PIP5K1C: variants seen among roughly 807,000 people sequenced by gnomAD.
PIP5K1C encodes phosphatidylinositol-4-phosphate 5-kinase type 1 gamma, also known as phosphatidylinositol 4-phosphate 5-kinase type-1 gamma.
Under a neutral mutation model 80.1 loss-of-function variants are expected in PIP5K1C, and 45 were observed. The observed-to-expected ratio is 0.56, with a 90% CI of 0.44 to 0.72. PIP5K1C has a LOEUF of 0.72. Among genes scored for constraint, PIP5K1C ranks in the 30% least tolerant of loss-of-function variants. The pLI, the probability that PIP5K1C is intolerant of heterozygous loss-of-function variation, is 0.00. For missense variants in PIP5K1C, 753 were observed against 954.6 expected (o/e 0.79, Z 2.78); for synonymous variants, 498 against 420.1 (o/e 1.19, Z -2.27).
Position 3,683,610 on chromosome 19 carries a change from G to A in PIP5K1C, c.95-16257C>T, listed in dbSNP as rs193135962. 7.2e-4 allele frequency among the ~76,000 whole-genome samples: 110 copies of A among 152,328 alleles called. 1 individual carries two copies. The highest frequency in any genetic ancestry group is 6.8e-3 in the Middle Eastern group (2 of 294). ...AACTGAGGCTCAGAGAGGTCAGATCGCTTGCCTGATCATGCAGCAAAAATG... is the reference window on the plus strand; with the variant it reads ...AACTGAGGCTCAGAGAGGTCAGATCACTTGCCTGATCATGCAGCAAAAATG... On this transcript the variant is annotated intron_variant, in intron 1 of 17. Transcript: ENST00000335312.
Position 3,648,770 on chromosome 19 carries a change from G to A in PIP5K1C, c.1128-62C>T. Reference sequence around the variant, plus strand: ...CAGAGCTGGGACTCGGGGCAGGCGGGGCTGGGGACTCCAGGGCTAGGGAGT... The same window carrying A: ...CAGAGCTGGGACTCGGGGCAGGCGGAGCTGGGGACTCCAGGGCTAGGGAGT... On this transcript the variant is annotated intron_variant, in intron 8 of 17. Coordinates refer to ENST00000335312, the MANE Select transcript of PIP5K1C (RefSeq NM_012398.3). This position sits in a 1 kb window ranked among gnomAD's most constrained non-coding sequence, Gnocchi z 4.3. 1 of 1,429,920 alleles carries A rather than the reference G, an allele frequency of 7.0e-7. No individual in the cohort carries two copies. Among genetic ancestry groups the A allele is most frequent in the Non-Finnish European group, 9.8e-7 (1 of 1,015,400 alleles). The allele number at this position is 1,429,920 out of a possible 1,614,324, so 88.6% of individuals were successfully genotyped here. A position where few individuals can be genotyped will look rare whatever the true frequency, so the allele number is the denominator to read the frequency against.
chr19:3,648,275 G>A lies in PIP5K1C; in HGVS notation c.1211+350C>T, dbSNP rs1453326662. ...TGGGCTCAAGCAATCCTCCCGCCTC[G>A]GCCTCCCACAGTGCTAGATTACAGG... is the stretch of plus-strand genomic sequence containing the variant. On this transcript the variant is annotated intron_variant, in intron 9 of 17. Coordinates refer to ENST00000335312, the MANE Select transcript of PIP5K1C (RefSeq NM_012398.3). The surrounding 1 kb of genome is among the most constrained non-coding windows in gnomAD (Gnocchi z 4.3). Among the ~76,000 whole-genome samples the A allele has an allele frequency of 1.3e-5, 2 of 152,062 alleles. No homozygotes were observed. The highest frequency in any genetic ancestry group is 2.9e-5 in the Non-Finnish European group (2 of 67,998).
At chr19:3,638,427 C>A (rs930570132) in intron 16 of PIP5K1C, among the ~76,000 whole-genome samples, 2 of 152,222 alleles carry the variant, frequency 1.3e-5, no homozygotes, top group African/African-American at 4.8e-5. Flanking sequence ...TGGCCACGCC[C>A]ACGGCAACAG....
chr19:3,679,298 G>C (rs1004969186), intron 1 of PIP5K1C, among the ~76,000 whole-genome samples: 1 of 152,118 alleles, frequency 6.6e-6, no homozygotes, highest in Non-Finnish European at 1.5e-5. Context: ...TCCCCACCCA[G>C]CACCACACCT....
chr19:3,674,402 C>A (rs569462928), intron 1 of PIP5K1C: 303 of 152,418 alleles, frequency 2.0e-3, no homozygotes, highest in Non-Finnish European at 3.4e-3. Context: ...CTCAGCCTCC[C>A]CCGAGTAGCT....
chr19:3,671,184 C>T (rs1311816056), intron 1 of PIP5K1C, among the ~76,000 whole-genome samples: 1 of 152,230 alleles, frequency 6.6e-6, no homozygotes, highest in Non-Finnish European at 1.5e-5. Context: ...CCTGACTCTA[C>T]TCGCGAAACC....
intron 8 of PIP5K1C, chr19:3,649,889 G>C (rs543432042): frequency 7.0e-6 from 2 of 286,572 alleles, no homozygotes; most frequent in African/African-American, 2.3e-5. Flanking sequence ...TGCCCAGCGC[G>C]GTTAGTGAGG....
chr19:3,634,067 CTG>C, intron 16 of PIP5K1C, among the ~76,000 whole-genome samples: 1 of 152,174 alleles, frequency 6.6e-6, no homozygotes, highest in East Asian at 2.0e-4. Flanking sequence ...CTAGGAGAGA[CTG>C]AGGCTCGGAC....
intron 2 of PIP5K1C, 39 bp downstream of exon 2, chr19:3,667,283 G>A: frequency 5.6e-6 from 9 of 1,594,300 alleles, no homozygotes; most frequent in Non-Finnish European, 7.7e-6. Context: ...GCAGGTCAGG[G>A]TGGGGACCCC....
intron 1 of PIP5K1C, among the ~76,000 whole-genome samples, chr19:3,682,261 C>A (rs1464844565): frequency 6.6e-6 from 1 of 151,810 alleles, no homozygotes; most frequent in Non-Finnish European, 1.5e-5. Flanking sequence ...GTAATCCCGG[C>A]TACTCAGGAG....
At chr19:3,633,959 C>T (rs180728278) in intron 16 of PIP5K1C, among the ~76,000 whole-genome samples, 28 of 152,266 alleles carry the variant, frequency 1.8e-4, no homozygotes, top group Middle Eastern at 3.4e-3. Flanking sequence ...CCTGGGAGGT[C>T]GGGGTGCCGG....
At position 3,700,446 on chromosome 19, in the gene PIP5K1C, G is replaced by C. The variant is rs1242224636; in HGVS notation, c.-56C>G. The C allele has an allele frequency of 3.1e-6, 3 of 955,572 alleles. No homozygotes were observed. The highest frequency in any genetic ancestry group is 5.8e-5 in the Admixed American group (1 of 17,214). The allele number at this position is 955,572 out of a possible 1,614,324, so 59.2% of individuals were successfully genotyped here. A position where few individuals can be genotyped will look rare whatever the true frequency, so the allele number is the denominator to read the frequency against. On this transcript the variant is annotated 5_prime_UTR_variant, in exon 1 of 18. Coordinates refer to ENST00000335312, the MANE Select transcript of PIP5K1C (RefSeq NM_012398.3). ...GAGGGGGACCCGAGCTGCGACCGCCGCCGCCGAACAACAAGCGCCGCCGGC... is the reference window on the plus strand; with the variant it reads ...GAGGGGGACCCGAGCTGCGACCGCCCCCGCCGAACAACAAGCGCCGCCGGC...
At chr19:3,686,402 A>C (rs1568357346) in intron 1 of PIP5K1C, among the ~76,000 whole-genome samples, 2 of 151,794 alleles carry the variant, frequency 1.3e-5, no homozygotes, top group African/African-American at 4.8e-5. Flanking sequence ...CCTGGGCGAC[A>C]GAGTGAGACT....
At chr19:3,681,919 T>C (rs2145576884) in intron 1 of PIP5K1C, among the ~76,000 whole-genome samples, 1 of 152,028 alleles carries the variant, frequency 6.6e-6, no homozygotes, top group Admixed American at 6.5e-5. Context: ...CCCACCAGGA[T>C]CCAAAGCGAA....
intron 4 of PIP5K1C, among the ~76,000 whole-genome samples, chr19:3,661,388 C>A (rs2034828953): frequency 6.6e-6 from 1 of 152,248 alleles, no homozygotes; most frequent in African/African-American, 2.4e-5. Flanking sequence ...TGCACTCAGC[C>A]AATGACACGA....
chr19:3,656,742 G>A (rs990822251), intron 5 of PIP5K1C, among the ~76,000 whole-genome samples, 185 bp from the exon 6 acceptor site: 2 of 152,202 alleles, frequency 1.3e-5, no homozygotes, highest in Non-Finnish European at 2.9e-5. Context: ...TGGAGCCTGA[G>A]GCCGAGCTGA....
Position 3,697,381 on chromosome 19 carries a change from C to T in PIP5K1C, c.94+2916G>A, listed in dbSNP as rs569749698. ...CCAGACAGAGGAGGACTGAGCCAGACGGAGGAGGACTGAGCTGGACCGGGG... is the reference window on the plus strand; with the variant it reads ...CCAGACAGAGGAGGACTGAGCCAGATGGAGGAGGACTGAGCTGGACCGGGG... On this transcript the variant is annotated intron_variant, in intron 1 of 17. Transcript: ENST00000335312. 1.0e-3 allele frequency among the ~76,000 whole-genome samples: 150 copies of T among 150,072 alleles called. 1 individual carries two copies. In the Middle Eastern group the frequency reaches 0.014, roughly 14 times the overall value.
At chr19:3,640,183 G>A (rs534757003) in intron 15 of PIP5K1C, among the ~76,000 whole-genome samples, 4 of 152,300 alleles carry the variant, frequency 2.6e-5, no homozygotes, top group African/African-American at 4.8e-5. Flanking sequence ...AACAGTGCAA[G>A]CATGGGATTA....
rs771110208 is a variant in PIP5K1C, at chr19:3,656,400, C to T, written c.621+5G>A. 17 of 1,613,062 alleles carry T rather than the reference C, an allele frequency of 1.1e-5. No individual in the cohort carries two copies. Among genetic ancestry groups the T allele is most frequent in the East Asian group, 2.2e-5 (1 of 44,890 alleles). Reference sequence around the variant, plus strand: ...GCCATCTGCCCCGCAGGGCGGGCCACGCACCATGTAGTAGCCAGGGAGCAG... The same window carrying T: ...GCCATCTGCCCCGCAGGGCGGGCCATGCACCATGTAGTAGCCAGGGAGCAG... On this transcript the variant is annotated splice_donor_5th_base_variant and intron_variant, in intron 6 of 17. Coordinates refer to ENST00000335312, the MANE Select transcript of PIP5K1C (RefSeq NM_012398.3).
Sources: allele counts gnomAD v4.1 joint callset (sites outside exome capture counted in the v4.1 genomes callset), GRCh38; gene constraint gnomAD v4.1.1; non-coding constraint Gnocchi (gnomAD v3.1); transcripts MANE v1.5; gene names NCBI Gene and HGNC (gene_info 2026-07-23, HGNC 2026-07-21).